Variants in KLHL1 observed in about 807,000 individuals in gnomAD.
KLHL1 encodes kelch-like protein 1.
A neutral mutation model predicts 77.7 loss-of-function variants in KLHL1; 47 were observed. That is an observed-to-expected ratio of 0.60 (90% CI 0.48 to 0.77). The LOEUF (loss-of-function observed/expected upper bound fraction) is 0.77. Ranked by LOEUF, KLHL1 falls within the 30% of genes least tolerant of loss-of-function variation. The pLI, the probability that KLHL1 is intolerant of heterozygous loss-of-function variation, is 0.00. For synonymous variants in KLHL1, 360 were observed against 325.2 expected, an observed-to-expected ratio of 1.11 and a Z score of -1.15; for missense variants, 925 against 910.8, an observed-to-expected ratio of 1.02 and a Z score of -0.20.
At chr13:70,025,292 C>A (rs1379609545) in intron 1 of KLHL1, among the ~76,000 whole-genome samples, 2 of 151,914 alleles carry the variant, frequency 1.3e-5, no homozygotes, top group Admixed American at 6.6e-5. Context: ...GTCTACTTAA[C>A]CAAAACATAG....
At chr13:69,781,285 C>CTTTTTTTTTTTTTTTTTT (rs869083780) in intron 7 of KLHL1, among the ~76,000 whole-genome samples, 2 of 119,708 alleles carry the variant, frequency 1.7e-5, no homozygotes, top group African/African-American at 6.4e-5. Flanking sequence ...TTTTTTCTTT[C>CTTTTTTTTTTTTTTTTTT]TTTTTTTTTT....
At chr13:70,006,758 C>A (rs954254657) in intron 1 of KLHL1, among the ~76,000 whole-genome samples, 2 of 151,868 alleles carry the variant, frequency 1.3e-5, no homozygotes, top group African/African-American at 4.8e-5. Flanking sequence ...ATGCTGACAG[C>A]ACTAGATTAC....
At chr13:70,016,438 G>A (rs905336773) in intron 1 of KLHL1, among the ~76,000 whole-genome samples, 6 of 152,356 alleles carry the variant, frequency 3.9e-5, no homozygotes, top group South Asian at 4.1e-4. Context: ...CCGTAGGCTC[G>A]TAAGTGCCTG....
chr13:69,752,373 C>T (rs965398746), intron 7 of KLHL1, among the ~76,000 whole-genome samples: 1 of 152,030 alleles, frequency 6.6e-6, no homozygotes, highest in African/African-American at 2.4e-5. Flanking sequence ...CCAGAATCTT[C>T]CACAAATATT....
At chr13:69,755,176 C>A (rs1423424789) in intron 7 of KLHL1, among the ~76,000 whole-genome samples, 1 of 151,982 alleles carries the variant, frequency 6.6e-6, no homozygotes, top group Non-Finnish European at 1.5e-5. Context: ...GTTCTAGCTC[C>A]TTGAGTTCAC....
rs151173500 is a variant in KLHL1, at chr13:69,794,095, C to G, written c.1639+2643G>C. 8.3e-4 allele frequency among the ~76,000 whole-genome samples: 126 copies of G among 152,220 alleles called. 1 individual carries two copies. Among genetic ancestry groups the G allele is most frequent in the African/African-American group, 2.9e-3 (122 of 41,528 alleles). On this transcript the variant is annotated intron_variant, in intron 7 of 10. Transcript: ENST00000377844. ...ACTTGCTGGTCATGAATATTACCTT[C>G]TCATTTAAGCTACCAGCTCTAAGGT...
At chr13:69,892,392 T>C (rs756297515) in intron 4 of KLHL1, among the ~76,000 whole-genome samples, 21 of 152,246 alleles carry the variant, frequency 1.4e-4, no homozygotes, top group Non-Finnish European at 2.4e-4. Context: ...CAGTGCTTGA[T>C]GAAAGAATAA....
chr13:69,788,704 T>C (rs1178026301), intron 7 of KLHL1, among the ~76,000 whole-genome samples: 2 of 152,046 alleles, frequency 1.3e-5, no homozygotes, highest in African/African-American at 4.8e-5. Flanking sequence ...TCTTAACTCA[T>C]AGCCTAGGAA....
At chr13:69,951,142 TACAA>T (rs1453224807) in intron 3 of KLHL1, among the ~76,000 whole-genome samples, 1 of 151,626 alleles carries the variant, frequency 6.6e-6, no homozygotes, top group Non-Finnish European at 1.5e-5. Context: ...TTTCTATGAA[TACAA>T]ACAGAGTTTT....
chr13:69,796,078 G>A (rs1253528691), intron 7 of KLHL1, among the ~76,000 whole-genome samples: 1 of 152,128 alleles, frequency 6.6e-6, no homozygotes, highest in Non-Finnish European at 1.5e-5. Context: ...GATCTTTGAG[G>A]ACAGCTTGAG....
At chr13:69,763,751 C>T (rs1310890002) in intron 7 of KLHL1, among the ~76,000 whole-genome samples, 1 of 152,190 alleles carries the variant, frequency 6.6e-6, no homozygotes, top group African/African-American at 2.4e-5. Context: ...TAGGCCCCCA[C>T]AGACCAAATT....
At chr13:69,855,307 GATA>G (rs1316458372) in intron 5 of KLHL1, among the ~76,000 whole-genome samples, 1 of 113,474 alleles carries the variant, frequency 8.8e-6, no homozygotes, top group Non-Finnish European at 1.7e-5. Flanking sequence ...TAGATAGATA[GATA>G]GATAGATAGA....
At chr13:69,831,482 A>G (rs1878758712) in intron 6 of KLHL1, among the ~76,000 whole-genome samples, 1 of 149,856 alleles carries the variant, frequency 6.7e-6, no homozygotes, top group South Asian at 2.1e-4. Flanking sequence ...ACAGAAGTCC[A>G]GGACCCAGTG....
rs889103683 is a variant in KLHL1 at position 69,806,755 on chromosome 13, C to G, written c.1415-9793G>C. Among the ~76,000 whole-genome samples, 6 of 152,288 alleles carry G rather than the reference C, an allele frequency of 3.9e-5. No individual in the cohort carries two copies. In the South Asian group the frequency reaches 6.2e-4, roughly 16 times the overall value. The stretch of plus-strand genomic sequence containing the variant: ...TCCAGAAAGGCAACCCACACAGAAA[C>G]TCAGAGGCATTTGAGCCTGGAGTAA... On this transcript the variant is annotated intron_variant, in intron 6 of 10. Transcript: ENST00000377844.
intron 5 of KLHL1, among the ~76,000 whole-genome samples, chr13:69,867,827 G>C: frequency 8.3e-6 from 1 of 121,042 alleles, no homozygotes; most frequent in Admixed American, 1.1e-4. Context: ...ACAGGAAGGG[G>C]AACATCACAC....
Position 69,719,450 on chromosome 13 carries a change from CAT to C in KLHL1, c.1932_1933del (p.Cys645Ter). 1 of 1,613,634 alleles carries C rather than the reference CAT, an allele frequency of 6.2e-7. No homozygotes were observed. Among genetic ancestry groups the C allele is most frequent in the African/African-American group, 1.3e-5 (1 of 74,964 alleles). ...TCCTACTGCATAAAGAAAACCGTCA[CAT>C]GTGGCCACTCCGACACCCCCTCTCC... On this transcript the variant is annotated frameshift_variant, in exon 9 of 11. Transcript: ENST00000377844. LOFTEE classifies it high-confidence loss of function.
intron 4 of KLHL1, among the ~76,000 whole-genome samples, chr13:69,922,513 G>T (rs1360600077): frequency 6.6e-6 from 1 of 152,154 alleles, no homozygotes; most frequent in African/African-American, 2.4e-5. Flanking sequence ...AACTGCTTAA[G>T]ATGTTAAATT....
intron 9 of KLHL1, among the ~76,000 whole-genome samples, chr13:69,713,771 G>A (rs1875986870): frequency 6.6e-6 from 1 of 151,898 alleles, no homozygotes; most frequent in Non-Finnish European, 1.5e-5. Flanking sequence ...AATGGTAGTG[G>A]TATAATGGTT....
intron 2 of KLHL1, among the ~76,000 whole-genome samples, chr13:69,975,028 T>A (rs769144291): frequency 7.2e-5 from 11 of 152,088 alleles, no homozygotes; most frequent in Non-Finnish European, 8.8e-5. Context: ...CATATTGTAA[T>A]ATTTCTATCA....
Sources: gnomAD v4.1 joint callset for allele counts (sites outside exome capture counted in the v4.1 genomes callset) on GRCh38, gnomAD v4.1.1 for gene constraint, MANE v1.5 for transcripts, NCBI Gene and HGNC (gene_info 2026-07-23, HGNC 2026-07-21) for gene names.